BEST3: variants seen among roughly 807,000 people sequenced by gnomAD.
BEST3 encodes bestrophin-3.
BEST3 carries 50 observed loss-of-function variants against 47.1 expected under a neutral mutation model. The ratio of observed to expected loss-of-function variants is 1.06; its 90% confidence interval spans 0.85 to 1.34. BEST3 has a LOEUF of 1.34. Ranked by LOEUF, BEST3 falls within the 40% of genes most tolerant of loss-of-function variation. The pLI is 0.00. For missense variants in BEST3, 765 were observed against 817.0 expected (o/e 0.94, Z 0.78); for synonymous variants, 282 against 298.8 (o/e 0.94, Z 0.58).
chr12:69,653,983 A>G lies in BEST3; in HGVS notation c.*924T>C. 2 of 985,434 alleles carry G rather than the reference A, an allele frequency of 2.0e-6. No individual in the cohort carries two copies. Among genetic ancestry groups the G allele is most frequent in the East Asian group, 1.1e-4 (1 of 8,808 alleles). 61.0% of individuals were successfully genotyped at this position (985,434 alleles called of 1,614,324 possible). A position where few individuals can be genotyped will look rare whatever the true frequency, so the allele number is the denominator to read the frequency against. On this transcript the variant is annotated 3_prime_UTR_variant, in exon 10 of 10. Transcript: ENST00000330891. ...TATTCTCTTGGCTTCGTTTTTCTCC[A>G]GTGCCCAACACCAAATAGTGGAAGC... is the stretch of plus-strand genomic sequence containing the variant.
chr12:69,677,533 C>T (rs1884997842), intron 5 of BEST3, among the ~76,000 whole-genome samples: 1 of 152,200 alleles, frequency 6.6e-6, no homozygotes, highest in Admixed American at 6.5e-5. Flanking sequence ...ATAATCCCAG[C>T]ACTTAGGGAG....
intron 4 of BEST3, among the ~76,000 whole-genome samples, chr12:69,688,583 C>A (rs1187549930): frequency 6.6e-6 from 1 of 152,158 alleles, no homozygotes; most frequent in Non-Finnish European, 1.5e-5. Flanking sequence ...AAGAGAAGTT[C>A]AAGGATGAGC....
At chr12:69,677,785 CA>C (rs370319767) in intron 5 of BEST3, among the ~76,000 whole-genome samples, 80 of 148,578 alleles carry the variant, frequency 5.4e-4, no homozygotes, top group African/African-American at 1.8e-3. Context: ...ACTCTATTTC[CA>C]AAAAAAAAGG....
chr12:69,649,597 C>T (rs1883147580), downstream of BEST3, among the ~76,000 whole-genome samples: 2 of 152,312 alleles, frequency 1.3e-5, no homozygotes, highest in South Asian at 4.1e-4. Flanking sequence ...ATGGTTGTCT[C>T]ATTTTTACCT....
chr12:69,681,185 T>C (rs1302997816), intron 4 of BEST3, among the ~76,000 whole-genome samples: 1 of 152,160 alleles, frequency 6.6e-6, no homozygotes, highest in Non-Finnish European at 1.5e-5. Context: ...TTTGAGTTTT[T>C]TTTTCTCAGA....
intron 9 of BEST3, among the ~76,000 whole-genome samples, chr12:69,669,262 T>C (rs1593155190): frequency 6.6e-6 from 1 of 152,212 alleles, no homozygotes; most frequent in Admixed American, 6.5e-5. Context: ...TCCTGGATTG[T>C]GGTCCACTTT....
chr12:69,661,645 C>G (rs1448710845), intron 9 of BEST3, among the ~76,000 whole-genome samples: 2 of 152,174 alleles, frequency 1.3e-5, no homozygotes, highest in African/African-American at 4.8e-5. Flanking sequence ...ATGGGCAAGG[C>G]AACCCTCCCT....
At chr12:69,691,031 T>C (rs2136038527) in intron 4 of BEST3, among the ~76,000 whole-genome samples, 1 of 152,294 alleles carries the variant, frequency 6.6e-6, no homozygotes, top group Admixed American at 6.5e-5. Flanking sequence ...AACAACATCA[T>C]CTACACCCTT....
chr12:69,648,134 T>C (rs1166253464), intron 9 of BEST3, among the ~76,000 whole-genome samples: 1 of 152,100 alleles, frequency 6.6e-6, no homozygotes, highest in Non-Finnish European at 1.5e-5. Flanking sequence ...GATGTAGAGA[T>C]GCAAGGACAC....
intron 9 of BEST3, among the ~76,000 whole-genome samples, chr12:69,664,518 G>A (rs2135939791): frequency 6.6e-6 from 1 of 152,126 alleles, no homozygotes; most frequent in South Asian, 2.1e-4. Context: ...CTCTTCCAGT[G>A]GGCTCCTTTT....
Position 69,654,887 on chromosome 12 carries a change from G to T in BEST3, c.*20C>A. The T allele has an allele frequency of 6.3e-7, 1 of 1,597,462 alleles. No homozygotes were observed. The highest frequency in any genetic ancestry group is 1.1e-5 in the South Asian group (1 of 88,674). On this transcript the variant is annotated 3_prime_UTR_variant, in exon 10 of 10. Transcript: ENST00000330891. ...AGGTAAGAATCTAGGCTAGAACCAG[G>T]TCCTAGAACTTGGTGGCACTCATTT...
chr12:69,697,404 G>A (rs17225566), intron 2 of BEST3, among the ~76,000 whole-genome samples: 3 of 152,012 alleles, frequency 2.0e-5, no homozygotes, highest in African/African-American at 2.4e-5. Flanking sequence ...CAACAGTCTC[G>A]AGGCACAACT....
chr12:69,693,496 C>A (rs1365005298), intron 4 of BEST3, among the ~76,000 whole-genome samples, 178 bp downstream of exon 4: 6 of 152,110 alleles, frequency 3.9e-5, no homozygotes, highest in African/African-American at 1.4e-4. Context: ...AACTCCTGAC[C>A]TCAGATGATC....
At chr12:69,696,248 G>A (rs886292881) in intron 2 of BEST3, among the ~76,000 whole-genome samples, 4 of 152,066 alleles carry the variant, frequency 2.6e-5, no homozygotes, top group Admixed American at 6.6e-5. Flanking sequence ...ATAAATGTAA[G>A]CCCTCTGCTT....
At chr12:69,645,322 C>T (rs975099481) in intron 9 of BEST3, among the ~76,000 whole-genome samples, 1 of 152,140 alleles carries the variant, frequency 6.6e-6, no homozygotes, top group Non-Finnish European at 1.5e-5. Flanking sequence ...TCCCCAAACC[C>T]TAGTTTCCTT....
At chr12:69,688,723 A>C (rs912866437) in intron 4 of BEST3, among the ~76,000 whole-genome samples, 1 of 152,026 alleles carries the variant, frequency 6.6e-6, no homozygotes, top group Non-Finnish European at 1.5e-5. Context: ...GGAGGCAAAA[A>C]CCCTTGCAGA....
At chr12:69,646,865 A>C (rs954539154) in intron 9 of BEST3, among the ~76,000 whole-genome samples, 7 of 152,168 alleles carry the variant, frequency 4.6e-5, no homozygotes, top group Non-Finnish European at 1.0e-4. Context: ...TCCAGTAAAC[A>C]TGTGGATTAA....
At chr12:69,647,069 G>A (rs1253414145) in intron 9 of BEST3, among the ~76,000 whole-genome samples, 1 of 152,148 alleles carries the variant, frequency 6.6e-6, no homozygotes, top group Admixed American at 6.5e-5. Context: ...AGGCGTAAAG[G>A]GGAGTAAAGA....
chr12:69,682,517 A>G (rs867524350), intron 4 of BEST3, among the ~76,000 whole-genome samples: 2 of 152,184 alleles, frequency 1.3e-5, no homozygotes, highest in Non-Finnish European at 2.9e-5. Context: ...TTGTTGCACA[A>G]TCTAAAAAAT....
Sources: gnomAD v4.1 joint callset for allele counts (sites outside exome capture counted in the v4.1 genomes callset) on GRCh38, gnomAD v4.1.1 for gene constraint, MANE v1.5 for transcripts, NCBI Gene and HGNC (gene_info 2026-07-23, HGNC 2026-07-21) for gene names.